Variants in RUNDC3B observed in about 807,000 individuals in gnomAD.
The protein encoded by RUNDC3B is RUN domain containing 3B.
A neutral mutation model predicts 58.4 loss-of-function variants in RUNDC3B; 33 were observed. The observed-to-expected ratio is 0.56, with a 90% CI of 0.43 to 0.75. RUNDC3B has a LOEUF of 0.75. Ranked by LOEUF, RUNDC3B falls within the 30% of genes least tolerant of loss-of-function variation. The pLI, the probability that RUNDC3B is intolerant of heterozygous loss-of-function variation, is 0.00. For synonymous variants in RUNDC3B, 193 were observed against 195.2 expected, an observed-to-expected ratio of 0.99 and a Z score of 0.10; for missense variants, 501 against 535.7, an observed-to-expected ratio of 0.94 and a Z score of 0.64.
chr7:87,704,519 G>T (rs1180485379), intron 3 of RUNDC3B, among the ~76,000 whole-genome samples: 1 of 152,158 alleles, frequency 6.6e-6, no homozygotes, highest in African/African-American at 2.4e-5. Flanking sequence ...TTTGGACCTG[G>T]GTGGACCAAA....
intron 8 of RUNDC3B, among the ~76,000 whole-genome samples, chr7:87,801,476 G>C (rs564028000): frequency 6.6e-6 from 1 of 152,190 alleles, no homozygotes; most frequent in South Asian, 2.1e-4. Context: ...TTAATATTCC[G>C]ATTGGGCGTG....
intron 2 of RUNDC3B, among the ~76,000 whole-genome samples, chr7:87,695,849 G>T (rs1828450641): frequency 6.6e-6 from 1 of 152,082 alleles, no homozygotes; most frequent in South Asian, 2.1e-4. Context: ...ATATTGCAAA[G>T]TGTAAATAGA....
intron 6 of RUNDC3B, among the ~76,000 whole-genome samples, chr7:87,745,129 G>C (rs112714602): frequency 6.6e-6 from 1 of 152,148 alleles, no homozygotes; most frequent in Non-Finnish European, 1.5e-5. Context: ...TTATTGACTT[G>C]CATATGTTAA....
intron 7 of RUNDC3B, among the ~76,000 whole-genome samples, chr7:87,773,322 C>CAAAAAAAAAAAAAAAAAAAAAAAAAAA (rs760846940): frequency 1.7e-5 from 1 of 58,172 alleles, no homozygotes; most frequent in Non-Finnish European, 3.7e-5. Context: ...GACTCCGTCT[C>CAAAAAAAAAAAAAAAAAAAAAAAAAAA]AAAAAAAAAA....
chr7:87,680,089 G>A lies in RUNDC3B; in HGVS notation c.239-20332G>A, dbSNP rs149862657. 1.2e-3 allele frequency among the ~76,000 whole-genome samples: 175 copies of A among 150,256 alleles called. 9 individuals carry two copies. The highest frequency in any genetic ancestry group is 4.1e-3 in the African/African-American group (164 of 40,486). On this transcript the variant is annotated intron_variant, in intron 2 of 10. Coordinates refer to ENST00000394654, the MANE Select transcript of RUNDC3B (RefSeq NM_001134405.2). Reference sequence around the variant, plus strand: ...CCCCACCCTGTGTCCATGTGTTCTCGTTGTTCAACTTCCACTTATGAGTGA... The same window carrying A: ...CCCCACCCTGTGTCCATGTGTTCTCATTGTTCAACTTCCACTTATGAGTGA...
intron 2 of RUNDC3B, among the ~76,000 whole-genome samples, chr7:87,678,168 G>T (rs1239282596): frequency 1.3e-5 from 2 of 152,116 alleles, no homozygotes; most frequent in African/African-American, 4.8e-5. Context: ...CTCTATTAAG[G>T]TCTTTCAATA....
chr7:87,669,200 T>C (rs1825584598), intron 2 of RUNDC3B, among the ~76,000 whole-genome samples: 1 of 152,200 alleles, frequency 6.6e-6, no homozygotes, highest in Non-Finnish European at 1.5e-5. Flanking sequence ...TTAGGTTTTT[T>C]TGTTGAATTG....
chr7:87,631,592 A>G (rs1381203680), intron 1 of RUNDC3B, among the ~76,000 whole-genome samples: 3 of 152,024 alleles, frequency 2.0e-5, no homozygotes, highest in African/African-American at 7.2e-5. Context: ...ACGGGGTTTC[A>G]CCGTATTAGC....
intron 8 of RUNDC3B, among the ~76,000 whole-genome samples, chr7:87,796,483 G>A (rs1835826958): frequency 1.3e-5 from 2 of 152,076 alleles, no homozygotes; most frequent in Non-Finnish European, 2.9e-5. Context: ...TAACATAAAG[G>A]ATAAAAGTTT....
chr7:87,791,932 A>T (rs1835543569), intron 8 of RUNDC3B, among the ~76,000 whole-genome samples: 1 of 152,100 alleles, frequency 6.6e-6, no homozygotes, highest in African/African-American at 2.4e-5. Flanking sequence ...CACTTAATGG[A>T]TGAAAAAGCA....
At position 87,747,159 on chromosome 7, in the gene RUNDC3B, G is replaced by C. The variant is rs556349563; in HGVS notation, c.629+5580G>C. ...TGTTGTTCAGATTCTTTTGTCCCAC[G>C]GGGTGTTCCCTTGATGTAGTACTCT... On this transcript the variant is annotated intron_variant, in intron 6 of 10. Coordinates refer to ENST00000394654, the MANE Select transcript of RUNDC3B (RefSeq NM_001134405.2). 4.6e-5 allele frequency among the ~76,000 whole-genome samples: 7 copies of C among 152,268 alleles called. No individual in the cohort carries two copies. In the East Asian group the frequency reaches 5.8e-4, roughly 13 times the overall value.
intron 1 of RUNDC3B, among the ~76,000 whole-genome samples, chr7:87,631,823 C>T (rs1821254336): frequency 6.6e-6 from 1 of 152,148 alleles, no homozygotes; most frequent in Non-Finnish European, 1.5e-5. Context: ...ACAAGCCATG[C>T]AACCTTTCCA....
intron 4 of RUNDC3B, among the ~76,000 whole-genome samples, chr7:87,720,839 A>T (rs1830838718): frequency 6.6e-6 from 1 of 151,702 alleles, no homozygotes; most frequent in Non-Finnish European, 1.5e-5. Flanking sequence ...TAACCTCATG[A>T]TCCACCTGCC....
At chr7:87,672,515 C>T (rs1015924660) in intron 2 of RUNDC3B, among the ~76,000 whole-genome samples, 1 of 152,134 alleles carries the variant, frequency 6.6e-6, no homozygotes, top group Non-Finnish European at 1.5e-5. Flanking sequence ...GCTGCTTAGC[C>T]CTCTAGATTC....
At chr7:87,754,152 A>G (rs1833211150) in intron 6 of RUNDC3B, among the ~76,000 whole-genome samples, 1 of 152,192 alleles carries the variant, frequency 6.6e-6, no homozygotes. Context: ...TCTCATCGCC[A>G]CATGGCACAT....
chr7:87,726,398 T>G (rs1426409048), intron 4 of RUNDC3B, among the ~76,000 whole-genome samples: 1 of 152,190 alleles, frequency 6.6e-6, no homozygotes, highest in Non-Finnish European at 1.5e-5. Flanking sequence ...GATCAGATGG[T>G]TGTAGATATG....
At chr7:87,796,598 A>G (rs566199918) in intron 8 of RUNDC3B, among the ~76,000 whole-genome samples, 2 of 152,330 alleles carry the variant, frequency 1.3e-5, no homozygotes, top group East Asian at 3.9e-4. Context: ...CTGTACCAAC[A>G]AAAACTTTAA....
chr7:87,777,746 A>T (rs1834713926), intron 7 of RUNDC3B, 52 bp from the exon 8 acceptor site: 1 of 1,450,146 alleles, frequency 6.9e-7, no homozygotes, highest in African/African-American at 1.4e-5. Context: ...TATCTTCAGG[A>T]TATGTATTAG....
intron 7 of RUNDC3B, among the ~76,000 whole-genome samples, chr7:87,773,153 C>G (rs1834376005): frequency 6.6e-6 from 1 of 151,854 alleles, no homozygotes; most frequent in African/African-American, 2.4e-5. Flanking sequence ...GAAACTCTGT[C>G]TCTACTAAAA....
Sources: gnomAD v4.1 joint callset for allele counts (sites outside exome capture counted in the v4.1 genomes callset) on GRCh38, gnomAD v4.1.1 for gene constraint, MANE v1.5 for transcripts, NCBI Gene and HGNC (gene_info 2026-07-23, HGNC 2026-07-21) for gene names.